The following NAT1 variants were observed in gnomAD, a reference collection of about 807,000 sequenced individuals.
NAT1 encodes the protein N-acetyltransferase 1, also known as arylamine N-acetyltransferase 1.
For missense variants in NAT1, 400 were observed against 339.2 expected (o/e 1.18, Z -1.41); for synonymous variants, 144 against 122.6 (o/e 1.17, Z -1.16).
At chr8:18,221,488 A>G (rs1805295233) in intron 2 of NAT1, among the ~76,000 whole-genome samples, 2 of 152,138 alleles carry the variant, frequency 1.3e-5, no homozygotes, top group East Asian at 3.8e-4. Context: ...AAAATATAAG[A>G]TTTTTGAGAG....
At chr8:18,197,843 G>A (rs1032126981) in intron 2 of NAT1, among the ~76,000 whole-genome samples, 4 of 151,858 alleles carry the variant, frequency 2.6e-5, no homozygotes, top group Admixed American at 1.3e-4. Flanking sequence ...AATAAGACAC[G>A]AAGGGGGATC....
chr8:18,187,465 G>A (rs886084590), intron 2 of NAT1, among the ~76,000 whole-genome samples: 4 of 152,102 alleles, frequency 2.6e-5, no homozygotes, highest in African/African-American at 7.2e-5. Flanking sequence ...CATCAATGGC[G>A]GACTGGCTTT....
At chr8:18,210,854 A>T (rs1563183060) in intron 1 of NAT1, among the ~76,000 whole-genome samples, 1 of 152,142 alleles carries the variant, frequency 6.6e-6, no homozygotes, top group Non-Finnish European at 1.5e-5. Flanking sequence ...AGCTTAGTGC[A>T]TCCTCCTCCT....
At chr8:18,208,794 C>T (rs1315109660), upstream of NAT1, among the ~76,000 whole-genome samples, 3 of 152,174 alleles carry the variant, frequency 2.0e-5, no homozygotes, top group African/African-American at 4.8e-5. Context: ...ACAGAGGGAG[C>T]ATTTAGACCC....
At chr8:18,176,391 G>A (rs1053711097) in intron 2 of NAT1, among the ~76,000 whole-genome samples, 4 of 152,112 alleles carry the variant, frequency 2.6e-5, no homozygotes, top group African/African-American at 4.8e-5. Flanking sequence ...TTCATTTTGA[G>A]TTGACTTCTG....
chr8:18,173,118 C>T lies in NAT1; in HGVS notation n.92+2379C>T, dbSNP rs535700969. 2.7e-5 allele frequency among the ~76,000 whole-genome samples: 4 copies of T among 150,878 alleles called. No homozygotes were observed. The East Asian group carries it at 7.9e-4, about 30-fold the overall frequency. On this transcript the variant is annotated intron_variant and non_coding_transcript_variant, in intron 2 of 4. Transcript: ENST00000517441. Reference sequence around the variant, plus strand: ...CTGACTGGGCTCTCCTGGCTGTGACCTGTTAGAGCACACGTGCACACAGAG... The same window carrying T: ...CTGACTGGGCTCTCCTGGCTGTGACTTGTTAGAGCACACGTGCACACAGAG...
In NAT1 at chr8:18,219,418, G is replaced by A. The variant is rs1039532946; in HGVS notation, c.-78G>A. ...CTTTTCTCTTATTTCTAGAATTCAA[G>A]CCAGGAAGAAGCAGCAATCTGTCTT... On this transcript the variant is annotated 5_prime_UTR_variant, in exon 2 of 3. Coordinates refer to ENST00000307719, the MANE Select transcript of NAT1 (RefSeq NM_000662.8). 6.5e-7 allele frequency: 1 copy of A among 1,547,780 alleles called. No individual in the cohort carries two copies. The highest frequency in any genetic ancestry group is 8.7e-7 in the Non-Finnish European group (1 of 1,145,032).
intron 1 of NAT1, 103 bp from the exon 2 acceptor site, chr8:18,219,308 T>G: frequency 1.3e-6 from 1 of 774,132 alleles, no homozygotes; most frequent in Non-Finnish European, 2.1e-6. Context: ...CTCTGTTTTG[T>G]GATTTTTAGG....
At chr8:18,204,860 T>C (rs1430301050) in intron 2 of NAT1, among the ~76,000 whole-genome samples, 1 of 152,236 alleles carries the variant, frequency 6.6e-6, no homozygotes, top group East Asian at 1.9e-4. Flanking sequence ...AGAAATCCTT[T>C]TATCCTATTT....
intron 2 of NAT1, among the ~76,000 whole-genome samples, chr8:18,176,786 A>G (rs4921576): frequency 0.29 from 43,419 of 151,628 alleles, 6,706 homozygotes; most frequent in South Asian, 0.41. Context: ...AGTTGTATTG[A>G]GTCTGTAAAT....
intron 2 of NAT1, among the ~76,000 whole-genome samples, chr8:18,197,782 T>C (rs1803297866): frequency 6.6e-6 from 1 of 152,172 alleles, no homozygotes. Context: ...GTAATCCCAT[T>C]TCCTGTCAGC....
At chr8:18,220,724 T>G (rs1805192745) in intron 2 of NAT1, among the ~76,000 whole-genome samples, 1 of 152,144 alleles carries the variant, frequency 6.6e-6, no homozygotes, top group Non-Finnish European at 1.5e-5. Flanking sequence ...TTTGAATGAA[T>G]ACCCCACCAG....
chr8:18,181,995 A>T (rs969622191), intron 2 of NAT1, among the ~76,000 whole-genome samples: 1 of 152,126 alleles, frequency 6.6e-6, no homozygotes, highest in Admixed American at 6.6e-5. Flanking sequence ...TCCAATACAA[A>T]TTCCCATACC....
chr8:18,181,361 A>G (rs919381280), intron 2 of NAT1, among the ~76,000 whole-genome samples: 5 of 152,162 alleles, frequency 3.3e-5, no homozygotes, highest in Non-Finnish European at 7.3e-5. Context: ...AATAACCATG[A>G]CATTCTTCAC....
intron 2 of NAT1, among the ~76,000 whole-genome samples, chr8:18,185,336 C>T (rs986210583): frequency 9.9e-5 from 15 of 152,066 alleles, no homozygotes; most frequent in Admixed American, 3.3e-4. Context: ...TTAATAGTTT[C>T]AGGATTATTT....
Sources: gnomAD v4.1 joint callset for allele counts (sites outside exome capture counted in the v4.1 genomes callset) on GRCh38, gnomAD v4.1.1 for gene constraint, MANE v1.5 for transcripts, NCBI Gene and HGNC (gene_info 2026-07-23, HGNC 2026-07-21) for gene names.